HMCN1: variants seen among roughly 807,000 people sequenced by gnomAD.
HMCN1 encodes the protein hemicentin-1.
HMCN1 carries 321 observed loss-of-function variants against 625.9 expected under a neutral mutation model. The observed-to-expected ratio is 0.51, with a 90% CI of 0.47 to 0.56. The LOEUF (loss-of-function observed/expected upper bound fraction) is 0.56, where lower values mean the gene tolerates loss of function less well. HMCN1 is among the 20% of genes least tolerant of loss of function. The probability of loss-of-function intolerance (pLI) is 0.00; values close to 1 mark genes in which losing one functional copy is unlikely to be tolerated. For synonymous variants in HMCN1, 2,425 were observed against 2,417.6 expected (o/e 1.00, Z -0.09); for missense variants, 6,588 against 6,887.3 (o/e 0.96, Z 1.54).
intron 1 of HMCN1, among the ~76,000 whole-genome samples, chr1:185,799,979 T>A (rs563759086): frequency 1.3e-5 from 2 of 152,236 alleles, no homozygotes; most frequent in Non-Finnish European, 2.9e-5. Context: ...GATACCCCAG[T>A]GATGGGTACA....
chr1:186,087,952 T>C lies in HMCN1; in HGVS notation c.9384T>C (p.Tyr3128=). ...KKAEVSDTGQ[Y]VCRAINVAGR... ...TTTAGGTATCTGACACAGGCCAGTA[T>C]GTATGTAGAGCTATAAATGTAGCAG... The change falls in exon 61 of 107, where the codon TAT becomes TAC. Residue 3128 remains tyrosine, a synonymous_variant. Coordinates refer to ENST00000271588, the MANE Select transcript of HMCN1 (RefSeq NM_031935.3). 2.5e-6 allele frequency: 4 copies of C among 1,612,984 alleles called. No homozygotes were observed. Among genetic ancestry groups the C allele is most frequent in the Middle Eastern group, 1.7e-4 (1 of 6,052 alleles).
intron 44 of HMCN1, among the ~76,000 whole-genome samples, chr1:186,054,332 AT>A (rs1212578673): frequency 6.6e-6 from 1 of 151,976 alleles, no homozygotes; most frequent in Admixed American, 6.6e-5. Flanking sequence ...TTTAAAGAAT[AT>A]TTTACTCGTA....
chr1:186,110,112 G>T (rs2102461327), intron 71 of HMCN1, among the ~76,000 whole-genome samples: 2 of 152,238 alleles, frequency 1.3e-5, no homozygotes, highest in African/African-American at 4.8e-5. Context: ...TCCAAGAAGA[G>T]ATTGTAGAAA....
intron 105 of HMCN1, among the ~76,000 whole-genome samples, chr1:186,186,992 TCTCACACACACA>T (rs1387263348): frequency 4.1e-4 from 39 of 95,486 alleles, no homozygotes; most frequent in African/African-American, 1.5e-3. Context: ...TCTGTCTCTG[TCTCACACACACA>T]CACACACACA....
At chr1:185,998,722 AG>A (rs1652974443) in intron 25 of HMCN1, among the ~76,000 whole-genome samples, 1 of 152,080 alleles carries the variant, frequency 6.6e-6, no homozygotes, top group African/African-American at 2.4e-5. Flanking sequence ...ATTCATTTAA[AG>A]TTACTAGACA....
At chr1:185,809,882 T>G (rs1659404873) in intron 1 of HMCN1, among the ~76,000 whole-genome samples, 1 of 152,118 alleles carries the variant, frequency 6.6e-6, no homozygotes, top group Admixed American at 6.6e-5. Context: ...AAATGTTTGT[T>G]GCAGGGTTTA....
At chr1:186,161,249 C>G (rs1184940465) in intron 97 of HMCN1, among the ~76,000 whole-genome samples, 1 of 151,316 alleles carries the variant, frequency 6.6e-6, no homozygotes, top group Non-Finnish European at 1.5e-5. Flanking sequence ...CAACCCCTGC[C>G]TTTTTTTGTT....
At chr1:185,953,664 C>A (rs1374560385) in intron 11 of HMCN1, among the ~76,000 whole-genome samples, 4 of 151,710 alleles carry the variant, frequency 2.6e-5, no homozygotes, top group Admixed American at 2.6e-4. Context: ...GTCTGAGGAC[C>A]TGAGGTAGTA....
intron 85 of HMCN1, among the ~76,000 whole-genome samples, chr1:186,131,159 G>T (rs531348750): frequency 6.6e-6 from 1 of 152,226 alleles, no homozygotes; most frequent in South Asian, 2.1e-4. Flanking sequence ...GTCTCAACTA[G>T]AATACACATT....
intron 1 of HMCN1, among the ~76,000 whole-genome samples, chr1:185,831,693 T>C (rs1436845440): frequency 6.6e-6 from 1 of 152,152 alleles, no homozygotes; most frequent in Non-Finnish European, 1.5e-5. Context: ...ATAGCTTTTA[T>C]ATATACAAAA....
At chr1:185,895,564 C>T (rs1306418647) in intron 4 of HMCN1, among the ~76,000 whole-genome samples, 1 of 152,190 alleles carries the variant, frequency 6.6e-6, no homozygotes, top group Non-Finnish European at 1.5e-5. Context: ...TTAATTATGA[C>T]TCAGAAATGA....
intron 1 of HMCN1, among the ~76,000 whole-genome samples, chr1:185,793,457 C>T (rs1020605524): frequency 6.6e-6 from 1 of 152,144 alleles, no homozygotes; most frequent in Non-Finnish European, 1.5e-5. Flanking sequence ...TTGGTCCCAT[C>T]TGAATAATCC....
chr1:185,992,872 G>A (rs766594877), intron 22 of HMCN1, among the ~76,000 whole-genome samples: 13 of 151,920 alleles, frequency 8.6e-5, no homozygotes, highest in African/African-American at 2.2e-4. Context: ...ATAATAAAAC[G>A]TTCAAAATAA....
chr1:186,060,738 T>C (rs1229753746), intron 46 of HMCN1, among the ~76,000 whole-genome samples: 1 of 152,142 alleles, frequency 6.6e-6, no homozygotes, highest in Non-Finnish European at 1.5e-5. Flanking sequence ...TTCCTTATAT[T>C]AGGTTGGTGC....
intron 80 of HMCN1, 68 bp downstream of exon 80, chr1:186,120,213 A>G (rs1661337059): frequency 2.0e-6 from 3 of 1,512,228 alleles, no homozygotes; most frequent in East Asian, 2.4e-5. Context: ...AAATATTTAT[A>G]TATCTAAAAT....
At chr1:186,112,557 A>C (rs1660939128) in intron 71 of HMCN1, among the ~76,000 whole-genome samples, 2 of 152,178 alleles carry the variant, frequency 1.3e-5, no homozygotes, top group African/African-American at 4.8e-5. Flanking sequence ...GGCCTGATTG[A>C]GTCACCTGCC....
At chr1:185,778,983 T>C (rs1442260129) in intron 1 of HMCN1, among the ~76,000 whole-genome samples, 1 of 152,226 alleles carries the variant, frequency 6.6e-6, no homozygotes, top group East Asian at 1.9e-4. Context: ...GTGTTCCTAT[T>C]TCTCCACATC....
chr1:185,816,775 G>A (rs541978863), intron 1 of HMCN1, among the ~76,000 whole-genome samples: 15 of 152,272 alleles, frequency 9.9e-5, no homozygotes, highest in African/African-American at 3.4e-4. Context: ...ATACTTCCTT[G>A]GGTCCATCTG....
intron 4 of HMCN1, 58 bp from the exon 5 acceptor site, chr1:185,909,279 T>C: frequency 7.4e-7 from 1 of 1,348,670 alleles, no homozygotes; most frequent in Non-Finnish European, 1.1e-6. Context: ...GAAACAGCAA[T>C]GATATAAAAC....
Sources: allele counts gnomAD v4.1 joint callset (sites outside exome capture counted in the v4.1 genomes callset), GRCh38; gene constraint gnomAD v4.1.1; transcripts MANE v1.5; gene names NCBI Gene and HGNC (gene_info 2026-07-23, HGNC 2026-07-21).